PPP2R2B: variants seen among roughly 807,000 people sequenced by gnomAD.
The protein encoded by PPP2R2B is protein phosphatase 2 regulatory subunit Bbeta, also known as serine/threonine-protein phosphatase 2A 55 kDa regulatory subunit B beta isoform.
PPP2R2B carries 5 observed loss-of-function variants against 46.0 expected under a neutral mutation model. That is an observed-to-expected ratio of 0.11 (90% CI 0.06 to 0.23). The LOEUF (loss-of-function observed/expected upper bound fraction) is 0.23, where lower values mean the gene tolerates loss of function less well. Among genes scored for constraint, PPP2R2B ranks in the 10% least tolerant of loss-of-function variants. PPP2R2B has a pLI of 1.00. For synonymous variants in PPP2R2B, 215 were observed against 206.7 expected (o/e 1.04, Z -0.34); for missense variants, 367 against 575.0 (o/e 0.64, Z 3.70).
exon 1 of PPP2R2B, chr5:147,081,286 T>C (rs1757961270): frequency 6.5e-7 from 1 of 1,535,652 alleles, no homozygotes; most frequent in Non-Finnish European, 8.7e-7. Context: ...GAAGAGACCC[T>C]AGTGAGTCCT....
chr5:146,812,742 A>ATATATATG (rs1757657851), intron 2 of PPP2R2B, among the ~76,000 whole-genome samples: 1 of 64,978 alleles, frequency 1.5e-5, no homozygotes. Flanking sequence ...ATATATATAT[A>ATATATATG]TATACTGCTA....
intron 1 of PPP2R2B, among the ~76,000 whole-genome samples, chr5:146,893,557 C>T (rs1319184449): frequency 6.6e-6 from 1 of 152,100 alleles, no homozygotes; most frequent in Non-Finnish European, 1.5e-5. Context: ...CTGTGGCTCA[C>T]ACCTGTAATC....
In PPP2R2B at chr5:146,581,703, T is replaced by C. The variant is rs1769904281; in HGVS notation, c.*8244A>G. The C allele has an allele frequency of 6.6e-6, 1 of 152,266 alleles. No homozygotes were observed. The highest frequency in any genetic ancestry group is 1.5e-5 in the Non-Finnish European group (1 of 68,052). The allele number at this position is 152,266 out of a possible 1,614,324, so 9.4% of individuals were successfully genotyped here. A position where few individuals can be genotyped will look rare whatever the true frequency, so the allele number is the denominator to read the frequency against. Reference sequence around the variant, plus strand: ...TCCGCAGTGTATTTCAGATCAGTTCTGTATTGTGGCTTGTATGTAATATGA... The same window carrying C: ...TCCGCAGTGTATTTCAGATCAGTTCCGTATTGTGGCTTGTATGTAATATGA... On this transcript the variant is annotated 3_prime_UTR_variant, in exon 10 of 10. Coordinates refer to ENST00000394411, the MANE Select transcript of PPP2R2B (RefSeq NM_181675.4).
At chr5:146,705,849 A>T (rs1189499276) in intron 2 of PPP2R2B, among the ~76,000 whole-genome samples, 1 of 152,290 alleles carries the variant, frequency 6.6e-6, no homozygotes, top group South Asian at 2.1e-4. Context: ...CATAAAATTT[A>T]GAAAATAATC....
At chr5:146,710,514 G>T (rs955600866) in intron 2 of PPP2R2B, among the ~76,000 whole-genome samples, 3 of 152,216 alleles carry the variant, frequency 2.0e-5, no homozygotes, top group Non-Finnish European at 4.4e-5. Context: ...TGCCTAAAGG[G>T]CAAAGGAGTC....
chr5:147,003,978 T>C (rs1754311264), intron 1 of PPP2R2B, among the ~76,000 whole-genome samples: 1 of 151,496 alleles, frequency 6.6e-6, no homozygotes, highest in South Asian at 2.1e-4. Flanking sequence ...CCCTGGGCCC[T>C]GAACAAAATC....
At chr5:146,723,055 G>T (rs1751626153) in intron 2 of PPP2R2B, among the ~76,000 whole-genome samples, 1 of 152,040 alleles carries the variant, frequency 6.6e-6, no homozygotes, top group Admixed American at 6.6e-5. Context: ...CCTATTCTGG[G>T]TTAGATGCCC....
chr5:146,949,066 C>G (rs187271890), intron 1 of PPP2R2B, among the ~76,000 whole-genome samples: 1 of 152,094 alleles, frequency 6.6e-6, no homozygotes, highest in East Asian at 1.9e-4. Context: ...AACTTTTTGC[C>G]TGAATAGGTC....
At chr5:147,066,780 G>T (rs962855939) in intron 2 of PPP2R2B, among the ~76,000 whole-genome samples, 10 of 152,024 alleles carry the variant, frequency 6.6e-5, no homozygotes, top group African/African-American at 1.9e-4. Context: ...CCTTGCCCAT[G>T]AGAAGTTGGG....
At chr5:147,043,501 T>C (rs1756408672) in intron 1 of PPP2R2B, among the ~76,000 whole-genome samples, 4 of 152,108 alleles carry the variant, frequency 2.6e-5, no homozygotes, top group Admixed American at 2.0e-4. Context: ...CTGGATCTGA[T>C]ACTTTCAGCC....
At chr5:146,725,170 A>G (rs1040219562) in intron 2 of PPP2R2B, among the ~76,000 whole-genome samples, 3 of 152,152 alleles carry the variant, frequency 2.0e-5, no homozygotes, top group African/African-American at 2.4e-5. Flanking sequence ...TGGAGAGCAC[A>G]CAATTTCAAG....
At chr5:146,703,227 G>T (rs1779646881) in intron 2 of PPP2R2B, among the ~76,000 whole-genome samples, 1 of 152,162 alleles carries the variant, frequency 6.6e-6, no homozygotes, top group African/African-American at 2.4e-5. Context: ...CCTAAAGCGG[G>T]CATGTCTATT....
chr5:146,863,462 G>C (rs1490308440), intron 2 of PPP2R2B, among the ~76,000 whole-genome samples: 1 of 152,022 alleles, frequency 6.6e-6, no homozygotes, highest in African/African-American at 2.4e-5. Context: ...ACCTACCCTT[G>C]GCTCCAAGAC....
rs893089573 is a variant in PPP2R2B, at chr5:147,041,768, C to A, written c.79+13897G>T. On this transcript the variant is annotated intron_variant, in intron 1 of 8. Transcript: ENST00000336640. ...TTTGCTTTTTATTCATTTGTTTAAC[C>A]CTTTTCTACCATAGCTTCATGGTGT... 2.0e-5 allele frequency among the ~76,000 whole-genome samples: 3 copies of A among 152,124 alleles called. No individual in the cohort carries two copies. In the Middle Eastern group the frequency reaches 0.01, roughly 517 times the overall value.
intron 2 of PPP2R2B, among the ~76,000 whole-genome samples, chr5:147,074,666 G>C (rs533486521): frequency 1.3e-5 from 2 of 151,986 alleles, no homozygotes; most frequent in African/African-American, 4.8e-5. Context: ...TTATAATCTC[G>C]AATTTCTTAA....
intron 2 of PPP2R2B, among the ~76,000 whole-genome samples, chr5:146,812,807 A>ATATATG (rs1757688464): frequency 4.9e-5 from 3 of 60,744 alleles, no homozygotes; most frequent in Non-Finnish European, 3.1e-5. Context: ...ATATATATAT[A>ATATATG]TATATATATA....
chr5:147,045,705 T>A (rs544665332), intron 1 of PPP2R2B, among the ~76,000 whole-genome samples: 20 of 152,254 alleles, frequency 1.3e-4, no homozygotes, highest in African/African-American at 4.8e-4. Flanking sequence ...TGGGTTAAGA[T>A]GAAACTTTGT....
intron 2 of PPP2R2B, among the ~76,000 whole-genome samples, chr5:146,863,778 T>C (rs937126369): frequency 1.3e-5 from 2 of 152,218 alleles, no homozygotes; most frequent in African/African-American, 2.4e-5. Flanking sequence ...CTTAATATTT[T>C]TATTTCAATA....
chr5:146,982,683 A>G (rs1753231225), intron 1 of PPP2R2B, among the ~76,000 whole-genome samples: 1 of 152,204 alleles, frequency 6.6e-6, no homozygotes, highest in Non-Finnish European at 1.5e-5. Flanking sequence ...TTTCAATTAT[A>G]TGAGTTTTGC....
Sources: gnomAD v4.1 joint callset for allele counts (sites outside exome capture counted in the v4.1 genomes callset) on GRCh38, gnomAD v4.1.1 for gene constraint, MANE v1.5 for transcripts, NCBI Gene and HGNC (gene_info 2026-07-23, HGNC 2026-07-21) for gene names.